Variants in KLHL1 observed in about 807,000 individuals in gnomAD.
The protein encoded by KLHL1 is kelch-like protein 1.
In KLHL1, 47 loss-of-function variants were observed where a neutral mutation model predicts 77.7. That is an observed-to-expected ratio of 0.60 (90% confidence interval 0.48 to 0.77). The LOEUF (loss-of-function observed/expected upper bound fraction) is 0.77. KLHL1 is among the 30% of genes least tolerant of loss of function. The pLI is 0.00. For synonymous variants in KLHL1, 360 were observed against 325.2 expected (o/e 1.11, Z -1.15); for missense variants, 925 against 910.8 (o/e 1.02, Z -0.20).
intron 3 of KLHL1, among the ~76,000 whole-genome samples, chr13:69,955,986 ATATT>A (rs1174579598): frequency 5.2e-5 from 7 of 135,732 alleles, no homozygotes; most frequent in East Asian, 2.0e-4. Flanking sequence ...ATATATTTAT[ATATT>A]TATTTGATAT....
intron 8 of KLHL1, among the ~76,000 whole-genome samples, chr13:69,724,555 A>G (rs9542051): frequency 0.88 from 134,393 of 152,062 alleles, 59,639 homozygotes; most frequent in East Asian, 0.99. Context: ...CAAACAAACA[A>G]ACAAAAACTA....
chr13:69,728,070 A>G (rs1873379713), intron 8 of KLHL1, among the ~76,000 whole-genome samples: 1 of 152,144 alleles, frequency 6.6e-6, no homozygotes, highest in Non-Finnish European at 1.5e-5. Flanking sequence ...TCAGTATGTG[A>G]ATTAAAATTC....
intron 5 of KLHL1, among the ~76,000 whole-genome samples, chr13:69,852,803 G>A (rs1879744156): frequency 6.6e-6 from 1 of 152,052 alleles, no homozygotes; most frequent in African/African-American, 2.4e-5. Context: ...ACTTTGTAGA[G>A]TTTCTAAAGT....
chr13:69,734,219 T>C (rs974915548), intron 8 of KLHL1, among the ~76,000 whole-genome samples: 1 of 152,114 alleles, frequency 6.6e-6, no homozygotes, highest in South Asian at 2.1e-4. Flanking sequence ...CCCACCTGGA[T>C]CTTTTGCTCC....
At chr13:70,074,637 GC>G (rs1403594891) in intron 1 of KLHL1, among the ~76,000 whole-genome samples, 1 of 151,746 alleles carries the variant, frequency 6.6e-6, no homozygotes, top group African/African-American at 2.4e-5. Context: ...ATTTCTCAGA[GC>G]CTTTAATATT....
At chr13:69,950,649 A>G (rs1268776785) in intron 3 of KLHL1, among the ~76,000 whole-genome samples, 2 of 151,642 alleles carry the variant, frequency 1.3e-5, no homozygotes, top group Non-Finnish European at 3.0e-5. Context: ...CTATCTAAGC[A>G]CCAGACTTAT....
At chr13:69,862,344 A>C (rs1484766075) in intron 5 of KLHL1, among the ~76,000 whole-genome samples, 1 of 152,120 alleles carries the variant, frequency 6.6e-6, no homozygotes, top group East Asian at 1.9e-4. Flanking sequence ...CAGATCCAAG[A>C]ACAAAATCTT....
chr13:69,923,855 G>A (rs1882721890), intron 4 of KLHL1, among the ~76,000 whole-genome samples: 1 of 152,106 alleles, frequency 6.6e-6, no homozygotes, highest in Non-Finnish European at 1.5e-5. Context: ...AGCTGCAGCT[G>A]CCCAAGCTGC....
chr13:70,006,996 T>C (rs1885422652), intron 1 of KLHL1, among the ~76,000 whole-genome samples: 1 of 152,016 alleles, frequency 6.6e-6, no homozygotes, highest in African/African-American at 2.4e-5. Context: ...TTGATAATAT[T>C]ATTGATGATA....
intron 5 of KLHL1, among the ~76,000 whole-genome samples, chr13:69,874,093 A>C (rs1378022657): frequency 6.6e-6 from 1 of 152,112 alleles, no homozygotes; most frequent in Non-Finnish European, 1.5e-5. Flanking sequence ...GTTAGCAGTA[A>C]TTGTTTAGAA....
At chr13:69,913,179 C>T (rs1482781892) in intron 4 of KLHL1, among the ~76,000 whole-genome samples, 4 of 152,118 alleles carry the variant, frequency 2.6e-5, no homozygotes, top group Admixed American at 6.5e-5. Context: ...ATGTCGTCAA[C>T]TCACTCCCCC....
At chr13:69,736,562 T>A (rs971249629) in intron 8 of KLHL1, among the ~76,000 whole-genome samples, 3 of 151,990 alleles carry the variant, frequency 2.0e-5, no homozygotes, top group Admixed American at 2.0e-4. Flanking sequence ...AGGAAAGAAG[T>A]CATTGTACAA....
At chr13:69,725,202 AAAT>A (rs1873241558) in intron 8 of KLHL1, among the ~76,000 whole-genome samples, 1 of 152,208 alleles carries the variant, frequency 6.6e-6, no homozygotes, top group Admixed American at 6.6e-5. Flanking sequence ...TTTGATTTAC[AAAT>A]ATCCTGAAAA....
At chr13:70,044,797 A>T (rs1315901845) in intron 1 of KLHL1, among the ~76,000 whole-genome samples, 1 of 152,218 alleles carries the variant, frequency 6.6e-6, no homozygotes, top group Non-Finnish European at 1.5e-5. Context: ...TTTATCATTA[A>T]GAAGAAATGT....
chr13:69,906,639 C>A (rs991977897), intron 4 of KLHL1, among the ~76,000 whole-genome samples: 5 of 151,760 alleles, frequency 3.3e-5, no homozygotes, highest in South Asian at 4.1e-4. Flanking sequence ...ATAACAATTT[C>A]TTTTAAATAT....
intron 4 of KLHL1, among the ~76,000 whole-genome samples, chr13:69,925,089 G>A (rs112519135): frequency 0.012 from 1,824 of 152,270 alleles, 15 homozygotes; most frequent in Middle Eastern, 0.031. Flanking sequence ...AGGCTGAGTG[G>A]GTCCAGCAGG....
chr13:69,853,687 A>G (rs566333497), intron 5 of KLHL1, among the ~76,000 whole-genome samples: 40 of 152,176 alleles, frequency 2.6e-4, no homozygotes, highest in African/African-American at 9.4e-4. Context: ...TAAGTTTCTT[A>G]TCAAGAGAAC....
chr13:69,982,437 A>AAAT (rs34183465), intron 1 of KLHL1, among the ~76,000 whole-genome samples: 15,457 of 135,592 alleles, frequency 0.11, 979 homozygotes, highest in East Asian at 0.17. Flanking sequence ...CTCCATCTCC[A>AAAT]AATAATAATA....
chr13:69,893,649 T>C (rs947607489), intron 4 of KLHL1, among the ~76,000 whole-genome samples: 10 of 152,228 alleles, frequency 6.6e-5, no homozygotes, highest in African/African-American at 2.2e-4. Context: ...TATGATGCTC[T>C]AAATACGAAA....
Sources: gnomAD v4.1 joint callset for allele counts (sites outside exome capture counted in the v4.1 genomes callset) on GRCh38, gnomAD v4.1.1 for gene constraint, MANE v1.5 for transcripts, NCBI Gene and HGNC (gene_info 2026-07-23, HGNC 2026-07-21) for gene names.